Variants in LMF1 observed in about 807,000 individuals in gnomAD.
LMF1 encodes lipase maturation factor 1.
In LMF1, 68 loss-of-function variants were observed where a neutral mutation model predicts 60.6. The observed-to-expected ratio is 1.12, with a 90% CI of 0.92 to 1.37. LMF1 has a LOEUF of 1.37. Among genes scored for constraint, LMF1 ranks in the 40% most tolerant of loss-of-function variants. The pLI is 0.00. For synonymous variants in LMF1, 418 were observed against 324.7 expected (o/e 1.29, Z -3.09); for missense variants, 948 against 767.2 (o/e 1.24, Z -2.78).
intron 3 of LMF1, chr16:921,052 C>G (rs971482920): frequency 2.0e-5 from 3 of 152,300 alleles, no homozygotes; most frequent in African/African-American, 7.2e-5. Flanking sequence ...TCGCCTGGGT[C>G]TCTGTCTCAG....
chr16:955,712 A>G (rs1338991760), intron 1 of LMF1, among the ~76,000 whole-genome samples: 1 of 152,370 alleles, frequency 6.6e-6, no homozygotes, highest in African/African-American at 2.4e-5. Context: ...CATAGAAGTA[A>G]AGTAGACATG....
chr16:963,793 G>A (rs1177446247), intron 1 of LMF1, among the ~76,000 whole-genome samples: 1 of 152,142 alleles, frequency 6.6e-6, no homozygotes, highest in East Asian at 1.9e-4. Flanking sequence ...AAGAAGCATA[G>A]GATGCTTCCT....
chr16:979,994 C>A, intron 1 of LMF1: 2 of 341,690 alleles, frequency 5.9e-6, no homozygotes, highest in Non-Finnish European at 5.8e-6. Flanking sequence ...TCTTCCCAGG[C>A]AGGTGCCGGA....
At chr16:873,323 C>T (rs1490741937) in intron 6 of LMF1, 1 of 152,300 alleles carries the variant, frequency 6.6e-6, no homozygotes, top group Non-Finnish European at 1.5e-5. Context: ...CGGCGGAGTC[C>T]TCACAAGGCT....
intron 3 of LMF1, among the ~76,000 whole-genome samples, chr16:913,961 G>A (rs1596981782): frequency 6.6e-6 from 1 of 152,378 alleles, no homozygotes; most frequent in East Asian, 1.9e-4. Flanking sequence ...ACTCGGAAGA[G>A]AAAATCTGCA....
chr16:975,055 G>A (rs371961083), upstream of LMF1, among the ~76,000 whole-genome samples: 60 of 152,156 alleles, frequency 3.9e-4, no homozygotes, highest in African/African-American at 1.3e-3. Flanking sequence ...GGTGCGGGTG[G>A]GGGCTGAGAG....
At chr16:890,396 G>A (rs1441508945) in intron 5 of LMF1, among the ~76,000 whole-genome samples, 2 of 152,198 alleles carry the variant, frequency 1.3e-5, no homozygotes, top group Non-Finnish European at 2.9e-5. Flanking sequence ...CCCAAGGACA[G>A]CCTCCACAGC....
intron 4 of LMF1, among the ~76,000 whole-genome samples, chr16:905,523 AG>A (rs2070953751): frequency 6.6e-6 from 1 of 152,226 alleles, no homozygotes; most frequent in East Asian, 1.9e-4. Context: ...AGTGCATCTG[AG>A]GGATTTTTCA....
At chr16:908,069 C>T (rs181536703) in intron 4 of LMF1, among the ~76,000 whole-genome samples, 257 of 152,286 alleles carry the variant, frequency 1.7e-3, no homozygotes, top group Admixed American at 5.1e-3. Flanking sequence ...GGCCTGACAG[C>T]GCTTCCCCCA....
chr16:870,865 C>A lies in LMF1; in HGVS notation c.1096G>T (p.Ala366Ser). ...AGGACGCCCAGCGAGACGTTGGCTG[C>A]ACGCCGCACCACGGAGCCTGGCAGG... ...EPRFGSVVRR[A>S]ANVSLGVLLA... Residue 366 changes from alanine (A) to serine (S), a missense_variant, in exon 8 of 11, where the codon GCA becomes TCA. By Grantham distance (99) the Ala-to-Ser change is moderately conservative. Transcript: ENST00000262301. 6.2e-7 allele frequency: 1 copy of A among 1,608,580 alleles called. No individual in the cohort carries two copies. The highest frequency in any genetic ancestry group is 8.5e-7 in the Non-Finnish European group (1 of 1,179,460).
At chr16:886,209 G>A (rs2070301889) in intron 5 of LMF1, among the ~76,000 whole-genome samples, 2 of 152,310 alleles carry the variant, frequency 1.3e-5, no homozygotes, top group South Asian at 4.1e-4. Flanking sequence ...GGGGCGCATG[G>A]AGGATGGGCA....
At chr16:879,146 C>A (rs566949293) in intron 6 of LMF1, among the ~76,000 whole-genome samples, 1 of 152,156 alleles carries the variant, frequency 6.6e-6, no homozygotes, top group African/African-American at 2.4e-5. Flanking sequence ...AGGCAAATGA[C>A]CCTGGCCTCT....
chr16:895,246 G>C (rs1454886277), intron 4 of LMF1, among the ~76,000 whole-genome samples: 1 of 152,162 alleles, frequency 6.6e-6, no homozygotes. Flanking sequence ...GGGAGCCCCA[G>C]CTCCAGCCTC....
intron 5 of LMF1, among the ~76,000 whole-genome samples, chr16:882,448 G>A (rs2070186816): frequency 1.3e-5 from 2 of 152,258 alleles, no homozygotes; most frequent in African/African-American, 2.4e-5. Context: ...CAAGCTGTGA[G>A]GAAGCCAATG....
chr16:876,444 C>T (rs971401213), intron 6 of LMF1, among the ~76,000 whole-genome samples: 1 of 152,214 alleles, frequency 6.6e-6, no homozygotes, highest in Non-Finnish European at 1.5e-5. Context: ...GCGAATGGCT[C>T]TCCTGTCAGC....
chr16:979,471 A>G, intron 1 of LMF1: 1 of 351,550 alleles, frequency 2.8e-6, no homozygotes, highest in Non-Finnish European at 5.6e-6. Context: ...CAACCTGGGG[A>G]AAGGAGCAGG....
intron 3 of LMF1, among the ~76,000 whole-genome samples, chr16:923,348 G>C (rs1437080228): frequency 1.3e-5 from 2 of 152,134 alleles, no homozygotes; most frequent in African/African-American, 2.4e-5. Context: ...GTGGCTTCCT[G>C]AACAGCCATG....
At position 897,206 on chromosome 16, in the gene LMF1, T is replaced by C. The variant is rs141500317; in HGVS notation, c.664-4134A>G. Among the ~76,000 whole-genome samples the C allele has an allele frequency of 3.1e-3, 472 of 152,266 alleles. 2 individuals are homozygous for C. Among genetic ancestry groups the C allele is most frequent in the Middle Eastern group, 6.8e-3 (2 of 294 alleles). ...GGGACACACTTCCCCAAATCTGCCA[T>C]CTGGAAACTCGAAGTGTCTTGACGG... is the stretch of plus-strand genomic sequence containing the variant. On this transcript the variant is annotated intron_variant, in intron 4 of 10. Coordinates refer to ENST00000262301, the MANE Select transcript of LMF1 (RefSeq NM_022773.4). This position sits in a 1 kb window ranked among gnomAD's most constrained non-coding sequence, Gnocchi z 4.3.
intron 1 of LMF1, among the ~76,000 whole-genome samples, chr16:978,709 C>A (rs753707130): frequency 2.6e-5 from 4 of 152,024 alleles, no homozygotes; most frequent in Non-Finnish European, 4.4e-5. Context: ...GCAGACACGG[C>A]GGAGCAGGCC....
Sources: gnomAD v4.1 joint callset for allele counts (sites outside exome capture counted in the v4.1 genomes callset) on GRCh38, gnomAD v4.1.1 for gene constraint, Gnocchi (gnomAD v3.1) non-coding constraint, MANE v1.5 for transcripts, NCBI Gene and HGNC (gene_info 2026-07-23, HGNC 2026-07-21) for gene names.